Variants in KAT6A observed in about 807,000 individuals in gnomAD.
KAT6A encodes the protein histone acetyltransferase KAT6A.
In KAT6A, 9 loss-of-function variants were observed where a neutral mutation model predicts 198.4. The observed-to-expected ratio is 0.05, with a 90% CI of 0.03 to 0.08. The LOEUF (loss-of-function observed/expected upper bound fraction) is 0.08, where lower values mean the gene tolerates loss of function less well. KAT6A is among the 10% of genes least tolerant of loss of function. The pLI, the probability that KAT6A is intolerant of heterozygous loss-of-function variation, is 1.00. For missense variants in KAT6A, 2,077 were observed against 2,509.9 expected, an observed-to-expected ratio of 0.83 and a Z score of 3.69; for synonymous variants, 890 against 883.0, an observed-to-expected ratio of 1.01 and a Z score of -0.14.
chr8:42,021,612 G>C (rs919220672), intron 2 of KAT6A, among the ~76,000 whole-genome samples: 4 of 152,110 alleles, frequency 2.6e-5, no homozygotes, highest in African/African-American at 9.7e-5. Flanking sequence ...CTAAACTAAT[G>C]AGAATTTGTG....
At chr8:41,942,636 A>C in intron 14 of KAT6A, 157 bp downstream of exon 14, 2 of 794,782 alleles carry the variant, frequency 2.5e-6, no homozygotes, top group Non-Finnish European at 3.9e-6. Flanking sequence ...AACCAGGTCC[A>C]GTCTTCTTGA....
At chr8:42,048,312 GA>G in intron 2 of KAT6A, 65 bp downstream of exon 2, 1 of 1,542,376 alleles carries the variant, frequency 6.5e-7, no homozygotes, top group Admixed American at 2.0e-5. Context: ...TAACTTCCCA[GA>G]AATGTGAATT....
At chr8:41,962,138 A>G (rs886111727) in intron 8 of KAT6A, among the ~76,000 whole-genome samples, 3 of 151,840 alleles carry the variant, frequency 2.0e-5, no homozygotes, top group Non-Finnish European at 2.9e-5. Context: ...CAGTTTCTCC[A>G]ATCTCTAAAA....
At chr8:42,041,663 G>C (rs1199662111) in intron 2 of KAT6A, among the ~76,000 whole-genome samples, 1 of 151,950 alleles carries the variant, frequency 6.6e-6, no homozygotes, top group South Asian at 2.1e-4. Flanking sequence ...GCTTCAACCT[G>C]GAAGGCGGAG....
At chr8:41,994,132 T>C (rs1825076148) in intron 2 of KAT6A, among the ~76,000 whole-genome samples, 1 of 152,226 alleles carries the variant, frequency 6.6e-6, no homozygotes, top group Non-Finnish European at 1.5e-5. Flanking sequence ...TTATACCTTA[T>C]TGTTCCCATG....
chr8:42,051,396 G>A (rs1190933536), intron 1 of KAT6A, among the ~76,000 whole-genome samples: 1 of 151,506 alleles, frequency 6.6e-6, no homozygotes, highest in Non-Finnish European at 1.5e-5. Flanking sequence ...GCCAAAGCCG[G>A]AGCCGGAACC....
At chr8:42,004,476 C>T (rs1388316065) in intron 2 of KAT6A, among the ~76,000 whole-genome samples, 3 of 152,138 alleles carry the variant, frequency 2.0e-5, no homozygotes, top group Non-Finnish European at 4.4e-5. Flanking sequence ...AAACCACTGA[C>T]ACATTTTGCA....
At chr8:42,047,032 A>C (rs1268111933) in intron 2 of KAT6A, among the ~76,000 whole-genome samples, 1 of 152,206 alleles carries the variant, frequency 6.6e-6, no homozygotes, top group African/African-American at 2.4e-5. Context: ...GCTGCTAATA[A>C]TACAACAAAT....
At chr8:42,002,816 C>G (rs969904930) in intron 2 of KAT6A, among the ~76,000 whole-genome samples, 3 of 152,178 alleles carry the variant, frequency 2.0e-5, no homozygotes, top group African/African-American at 7.2e-5. Context: ...TGCAGTCAAA[C>G]AGCTTTGTAC....
At chr8:41,938,986 A>C (rs891503826) in intron 15 of KAT6A, among the ~76,000 whole-genome samples, 8 of 151,066 alleles carry the variant, frequency 5.3e-5, no homozygotes, top group Non-Finnish European at 1.2e-4. Context: ...AAGCAGCAGC[A>C]GCCCAAGAGG....
At chr8:42,051,073 G>A (rs866319422) in intron 1 of KAT6A, among the ~76,000 whole-genome samples, 6 of 152,160 alleles carry the variant, frequency 3.9e-5, no homozygotes, top group Middle Eastern at 3.4e-3. Context: ...TCCACGCGAT[G>A]GAAACAGACC....
chr8:41,995,368 T>C (rs13271816), intron 2 of KAT6A, among the ~76,000 whole-genome samples: 2,259 of 152,276 alleles, frequency 0.015, 51 homozygotes, highest in African/African-American at 0.051. Flanking sequence ...GGCACCAATA[T>C]TGTGTACCTT....
At chr8:41,935,921 A>C (rs1821828015) in intron 16 of KAT6A, among the ~76,000 whole-genome samples, 1 of 152,236 alleles carries the variant, frequency 6.6e-6, no homozygotes, top group Non-Finnish European at 1.5e-5. Context: ...ACTCTGTAGA[A>C]TCATTCATGA....
chr8:41,991,816 G>A (rs191599135), intron 2 of KAT6A, among the ~76,000 whole-genome samples: 5 of 152,192 alleles, frequency 3.3e-5, no homozygotes, highest in Admixed American at 1.3e-4. Context: ...AGAAAGTAAG[G>A]AGAGGGGAGT....
intron 2 of KAT6A, among the ~76,000 whole-genome samples, chr8:42,009,774 C>A (rs1256344915): frequency 6.6e-6 from 1 of 150,764 alleles, no homozygotes; most frequent in East Asian, 2.0e-4. Context: ...GTGACATGCA[C>A]CTGTGGTCCC....
chr8:41,971,800 C>T (rs1035353975), intron 8 of KAT6A, among the ~76,000 whole-genome samples: 6 of 151,810 alleles, frequency 4.0e-5, no homozygotes, highest in African/African-American at 9.7e-5. Context: ...GCAGCCTAAG[C>T]CAGAGATGAC....
At chr8:41,943,468 G>T (rs1162568837) in intron 13 of KAT6A, among the ~76,000 whole-genome samples, 1 of 152,004 alleles carries the variant, frequency 6.6e-6, no homozygotes, top group Non-Finnish European at 1.5e-5. Flanking sequence ...TATTGTGAAA[G>T]AGCTCCCAAT....
At chr8:41,967,210 A>G (rs1280156877) in intron 8 of KAT6A, among the ~76,000 whole-genome samples, 1 of 151,904 alleles carries the variant, frequency 6.6e-6, no homozygotes, top group Non-Finnish European at 1.5e-5. Context: ...ATATTTCAAG[A>G]AGGTGGTCAT....
intron 8 of KAT6A, among the ~76,000 whole-genome samples, chr8:41,967,832 T>C (rs1257910823): frequency 2.0e-5 from 3 of 152,086 alleles, no homozygotes; most frequent in East Asian, 3.9e-4. Flanking sequence ...TATCTACAAC[T>C]ATCTGATCTT....
Sources: gnomAD v4.1 joint callset for allele counts (sites outside exome capture counted in the v4.1 genomes callset) on GRCh38, gnomAD v4.1.1 for gene constraint, MANE v1.5 for transcripts, NCBI Gene and HGNC (gene_info 2026-07-23, HGNC 2026-07-21) for gene names.